DIAPH2: variants seen among roughly 807,000 people sequenced by gnomAD.
DIAPH2 encodes the protein diaphanous related formin 2.
Under a neutral mutation model 92.7 loss-of-function variants are expected in DIAPH2, and 35 were observed. That is an observed-to-expected ratio of 0.38 (90% CI 0.29 to 0.50). The LOEUF (loss-of-function observed/expected upper bound fraction) is 0.50, where lower values mean the gene tolerates loss of function less well. DIAPH2 is among the 20% of genes least tolerant of loss of function. The pLI is 0.94. For synonymous variants in DIAPH2, 301 were observed against 280.4 expected, an observed-to-expected ratio of 1.07 and a Z score of -0.73; for missense variants, 701 against 819.5, an observed-to-expected ratio of 0.86 and a Z score of 1.77.
intron 26 of DIAPH2, among the ~76,000 whole-genome samples, chrX:97,479,770 T>C (rs1434972262): frequency 9.0e-6 from 1 of 111,018 alleles, no homozygotes; most frequent in Non-Finnish European, 1.9e-5. Context: ...ATTTTTTTTA[T>C]CTCCCCACAG....
At chrX:97,448,964 C>CA (rs2070335854) in intron 26 of DIAPH2, among the ~76,000 whole-genome samples, 1 of 112,292 alleles carries the variant, frequency 8.9e-6, no homozygotes, top group African/African-American at 3.2e-5. Flanking sequence ...TATCTGCTTT[C>CA]AAAAATCTAC....
intron 22 of DIAPH2, among the ~76,000 whole-genome samples, chrX:97,239,384 A>G (rs1449446308): frequency 8.9e-6 from 1 of 111,993 alleles, no homozygotes; most frequent in African/African-American, 3.2e-5. Flanking sequence ...TTTCAACTGA[A>G]GCAAGTAGAT....
chrX:97,326,132 T>C lies in DIAPH2; in HGVS notation c.2845-21984T>C, dbSNP rs951160561. ...AAAAAATATTCTTTTTAAAATATGGTCAAATACAAATTGAAAGCAACTATA... is the reference window on the plus strand; with the variant it reads ...AAAAAATATTCTTTTTAAAATATGGCCAAATACAAATTGAAAGCAACTATA... On this transcript the variant is annotated intron_variant, in intron 23 of 26. Coordinates refer to ENST00000324765, the MANE Select transcript of DIAPH2 (RefSeq NM_006729.5). Among the ~76,000 whole-genome samples the C allele has an allele frequency of 1.8e-4, 20 of 112,392 alleles. 1 individual carries two copies. In the South Asian group the frequency reaches 5.9e-3, roughly 33 times the overall value.
intron 10 of DIAPH2, among the ~76,000 whole-genome samples, chrX:96,931,798 A>G (rs182644453): frequency 1.8e-5 from 2 of 111,233 alleles, no homozygotes; most frequent in Admixed American, 1.9e-4. Flanking sequence ...ACCCATCATA[A>G]TAAGTTGTGT....
At chrX:97,146,927 G>T (rs1014957679) in intron 22 of DIAPH2, among the ~76,000 whole-genome samples, 2 of 111,664 alleles carry the variant, frequency 1.8e-5, no homozygotes, top group African/African-American at 6.5e-5. Context: ...TCCATTAGGG[G>T]TACTTTGGTG....
intron 15 of DIAPH2, among the ~76,000 whole-genome samples, chrX:96,955,339 CT>C (rs1259102961): frequency 4.5e-5 from 5 of 111,862 alleles, no homozygotes; most frequent in Non-Finnish European, 7.5e-5. Context: ...TTATCTCCCC[CT>C]GGTCCCGCCC....
chrX:96,730,891 A>T lies in DIAPH2; in HGVS notation c.133-4867A>T, dbSNP rs533843852. Among the ~76,000 whole-genome samples the T allele has an allele frequency of 1.1e-4, 12 of 110,733 alleles. No homozygotes were observed. In the South Asian group the frequency reaches 4.7e-3, roughly 44 times the overall value. ...GCGGGCTGAGTCCGAAAAGAGAGTC[A>T]GTGAAGGGAGGTAGGGGTGGGGCCG... On this transcript the variant is annotated intron_variant, in intron 1 of 26. Coordinates refer to ENST00000324765, the MANE Select transcript of DIAPH2 (RefSeq NM_006729.5).
intron 1 of DIAPH2, among the ~76,000 whole-genome samples, chrX:96,705,977 A>G (rs1030225482): frequency 8.9e-6 from 1 of 112,567 alleles, no homozygotes; most frequent in Non-Finnish European, 1.9e-5. Context: ...TGCAAGTCAT[A>G]CCTGGCCCAT....
chrX:97,401,693 G>T (rs1164074470), intron 25 of DIAPH2, among the ~76,000 whole-genome samples: 1 of 111,435 alleles, frequency 9.0e-6, no homozygotes, highest in Non-Finnish European at 1.9e-5. Flanking sequence ...GGGGGTAAGG[G>T]GACAGCAATC....
chrX:97,038,903 A>G (rs1462529900), intron 17 of DIAPH2, among the ~76,000 whole-genome samples: 2 of 111,548 alleles, frequency 1.8e-5, no homozygotes, highest in Non-Finnish European at 3.8e-5. Flanking sequence ...ATTATGCCAC[A>G]TAGAATAGTC....
chrX:97,137,277 A>ATATATG (rs1238204768), intron 21 of DIAPH2, among the ~76,000 whole-genome samples: 2 of 73,499 alleles, frequency 2.7e-5, no homozygotes, highest in Admixed American at 1.9e-4. Context: ...ATACATATAT[A>ATATATG]TATATATATA....
intron 23 of DIAPH2, among the ~76,000 whole-genome samples, chrX:97,286,333 G>A (rs1173787889): frequency 9.0e-6 from 1 of 110,745 alleles, no homozygotes; most frequent in African/African-American, 3.3e-5. Context: ...ACAGGCATGA[G>A]CCACCGCGCC....
chrX:97,509,010 A>AACTT (rs1556170630), intron 26 of DIAPH2, among the ~76,000 whole-genome samples: 3 of 64,746 alleles, frequency 4.6e-5, no homozygotes, highest in Non-Finnish European at 9.7e-5. Context: ...AAAGCATACA[A>AACTT]AGTTATTTAT....
chrX:97,181,212 A>G (rs747331921), intron 22 of DIAPH2, among the ~76,000 whole-genome samples: 3 of 109,442 alleles, frequency 2.7e-5, no homozygotes, highest in African/African-American at 3.3e-5. Flanking sequence ...GATTACAGGC[A>G]TGTGCCACCA....
At chrX:96,691,954 TTTG>T (rs953833699) in intron 1 of DIAPH2, among the ~76,000 whole-genome samples, 5 of 112,266 alleles carry the variant, frequency 4.5e-5, no homozygotes, top group African/African-American at 1.6e-4. Flanking sequence ...AAAAAATCTA[TTTG>T]TTGTTCTGTG....
intron 22 of DIAPH2, among the ~76,000 whole-genome samples, chrX:97,234,757 C>T (rs2068035556): frequency 9.0e-6 from 1 of 111,610 alleles, no homozygotes; most frequent in African/African-American, 3.3e-5. Flanking sequence ...ATGTAAAAAG[C>T]ATTCTTAGTT....
At chrX:97,256,107 C>T (rs746710440) in intron 23 of DIAPH2, among the ~76,000 whole-genome samples, 31 of 112,223 alleles carry the variant, frequency 2.8e-4, no homozygotes, top group Non-Finnish European at 4.5e-4. Flanking sequence ...AAATTCTAAT[C>T]GCTCTCACCA....
At chrX:96,753,497 A>T (rs2064206385) in intron 3 of DIAPH2, among the ~76,000 whole-genome samples, 1 of 111,823 alleles carries the variant, frequency 8.9e-6, no homozygotes, top group African/African-American at 3.3e-5. Flanking sequence ...AGATAAGTTG[A>T]GTACTTTAGC....
chrX:96,750,196 G>T (rs149033127), intron 3 of DIAPH2, among the ~76,000 whole-genome samples: 6,345 of 107,498 alleles, frequency 0.059, 200 homozygotes, highest in Middle Eastern at 0.15. Flanking sequence ...CCTGGCTAAT[G>T]TTTGTATTTT....
Sources: allele counts gnomAD v4.1 joint callset (sites outside exome capture counted in the v4.1 genomes callset), GRCh38; gene constraint gnomAD v4.1.1; transcripts MANE v1.5; gene names NCBI Gene and HGNC (gene_info 2026-07-23, HGNC 2026-07-21).